The following TAFA5 variants were observed in gnomAD, a reference collection of about 807,000 sequenced individuals.
TAFA5 encodes chemokine-like protein TAFA-5.
Under a neutral mutation model 15.3 loss-of-function variants are expected in TAFA5, and 6 were observed. The observed-to-expected ratio is 0.39, with a 90% CI of 0.21 to 0.77. The LOEUF (loss-of-function observed/expected upper bound fraction) is 0.77. TAFA5 is among the 30% of genes least tolerant of loss of function. The pLI is 0.41. For synonymous variants in TAFA5, 103 were observed against 80.7 expected, an observed-to-expected ratio of 1.28 and a Z score of -1.48; for missense variants, 161 against 193.1, an observed-to-expected ratio of 0.83 and a Z score of 0.98.
At chr22:48,657,441 C>T (rs913811676) in intron 2 of TAFA5, among the ~76,000 whole-genome samples, 1 of 152,172 alleles carries the variant, frequency 6.6e-6, no homozygotes, top group Non-Finnish European at 1.5e-5. Flanking sequence ...GTGAATTGGT[C>T]CAAACGCTTA....
At chr22:48,660,137 CA>C (rs1445088037) in intron 2 of TAFA5, among the ~76,000 whole-genome samples, 1 of 151,998 alleles carries the variant, frequency 6.6e-6, no homozygotes, top group African/African-American at 2.4e-5. Context: ...GCTGTCCCCC[CA>C]AAAAAACCCC....
chr22:48,656,708 T>C (rs1927256866), intron 2 of TAFA5, among the ~76,000 whole-genome samples: 1 of 143,176 alleles, frequency 7.0e-6, no homozygotes, highest in African/African-American at 2.7e-5. Flanking sequence ...TTTTTTTTTT[T>C]TTTTTTGAGA....
chr22:48,623,605 C>T (rs1024878839), intron 1 of TAFA5, among the ~76,000 whole-genome samples: 9 of 152,222 alleles, frequency 5.9e-5, no homozygotes, highest in African/African-American at 1.7e-4. Context: ...GTGAACTTCC[C>T]GGGGCTCAGC....
chr22:48,707,925 C>T (rs143206096), intron 3 of TAFA5, 81 bp downstream of exon 3: 77 of 1,530,524 alleles, frequency 5.0e-5, no homozygotes, highest in African/African-American at 3.0e-4. Context: ...CCGGGCTCCG[C>T]GGGGACAGGT....
intron 2 of TAFA5, 60 bp from the exon 3 acceptor site, chr22:48,707,657 G>C: frequency 1.0e-5 from 16 of 1,580,960 alleles, no homozygotes; most frequent in Non-Finnish European, 1.4e-5. Flanking sequence ...GGTGCCCTCA[G>C]CAACACCCTC....
intron 1 of TAFA5, among the ~76,000 whole-genome samples, chr22:48,583,652 A>G (rs1349106087): frequency 2.8e-4 from 42 of 150,326 alleles, no homozygotes; most frequent in South Asian, 6.4e-4. Context: ...CACACAAAAT[A>G]CACCACACAC....
rs1192535620 is a variant in TAFA5, at chr22:48,652,994, C to T, written c.262+6248C>T. ...GGGTCCGTGCTTTGTGGCACAGAAG[C>T]TGTGGGTGCTGGTGTGGCCCTCTGC... On this transcript the variant is annotated intron_variant, in intron 2 of 3. Coordinates refer to ENST00000402357, the MANE Select transcript of TAFA5 (RefSeq NM_001082967.3). Among the ~76,000 whole-genome samples, 5 of 152,228 alleles carry T rather than the reference C, an allele frequency of 3.3e-5. No individual in the cohort carries two copies. The East Asian group carries it at 9.6e-4, about 29-fold the overall frequency.
At chr22:48,594,344 C>T (rs976819770) in intron 1 of TAFA5, among the ~76,000 whole-genome samples, 5 of 152,180 alleles carry the variant, frequency 3.3e-5, no homozygotes, top group South Asian at 2.1e-4. Flanking sequence ...CTGGGGTGCA[C>T]GCATGTAGGG....
At chr22:48,717,724 A>G (rs1436330042) in intron 3 of TAFA5, among the ~76,000 whole-genome samples, 1 of 152,210 alleles carries the variant, frequency 6.6e-6, no homozygotes, top group Non-Finnish European at 1.5e-5. Flanking sequence ...CAGAGCAGGC[A>G]TGGCCTCTGC....
At chr22:48,650,758 A>G (rs7284181) in intron 2 of TAFA5, among the ~76,000 whole-genome samples, 34,685 of 151,856 alleles carry the variant, frequency 0.23, 4,312 homozygotes, top group Non-Finnish European at 0.27. Flanking sequence ...CCAGCCACGC[A>G]CTGTGGCGCT....
At chr22:48,620,063 G>C (rs1441473957) in intron 1 of TAFA5, among the ~76,000 whole-genome samples, 2 of 152,198 alleles carry the variant, frequency 1.3e-5, no homozygotes, top group African/African-American at 4.8e-5. Context: ...CTGAGTCCAG[G>C]GTGGAGGATG....
intron 1 of TAFA5, among the ~76,000 whole-genome samples, chr22:48,541,316 C>T (rs1404273680): frequency 6.6e-6 from 1 of 152,148 alleles, no homozygotes; most frequent in Non-Finnish European, 1.5e-5. Context: ...GAGCCTGTCC[C>T]TGCTGGGGTG....
chr22:48,673,976 C>T (rs1399468101), intron 2 of TAFA5, among the ~76,000 whole-genome samples: 2 of 152,096 alleles, frequency 1.3e-5, no homozygotes, highest in Non-Finnish European at 2.9e-5. Flanking sequence ...TCTGCCCCAG[C>T]CCTTTGCCCA....
chr22:48,551,674 C>T (rs1314611458), intron 1 of TAFA5, among the ~76,000 whole-genome samples: 2 of 152,132 alleles, frequency 1.3e-5, no homozygotes, highest in African/African-American at 4.8e-5. Context: ...AGGGTTCTGG[C>T]ACCCACCCTT....
intron 2 of TAFA5, among the ~76,000 whole-genome samples, chr22:48,699,676 A>G (rs916589563): frequency 1.3e-5 from 2 of 152,222 alleles, no homozygotes; most frequent in African/African-American, 4.8e-5. Context: ...CGGGTTCCTG[A>G]TAACTTGCCT....
chr22:48,591,175 C>G (rs1924554659), intron 1 of TAFA5, among the ~76,000 whole-genome samples: 1 of 152,266 alleles, frequency 6.6e-6, no homozygotes. Context: ...TCTCTTTTCT[C>G]TGAAGTTGGT....
intron 1 of TAFA5, among the ~76,000 whole-genome samples, chr22:48,548,423 T>C (rs1205068393): frequency 2.6e-5 from 4 of 152,154 alleles, no homozygotes; most frequent in African/African-American, 7.2e-5. Flanking sequence ...TTTTTTGAGA[T>C]TGGGTGCCTG....
chr22:48,514,641 C>A (rs1038994796), intron 1 of TAFA5, among the ~76,000 whole-genome samples: 6 of 152,272 alleles, frequency 3.9e-5, no homozygotes, highest in Non-Finnish European at 7.4e-5. Flanking sequence ...GTCAGTCCCC[C>A]ACTCATGCCA....
In TAFA5 at chr22:48,542,523, A is replaced by G. The variant is rs532792289; in HGVS notation, c.112+52819A>G. On this transcript the variant is annotated intron_variant, in intron 1 of 3. Transcript: ENST00000402357. Reference sequence around the variant, plus strand: ...GTGCGTGTGTGGCATGTGTGTGTGCATGTGTGGTGTGTGGTGTGTGTGTGA... The same window carrying G: ...GTGCGTGTGTGGCATGTGTGTGTGCGTGTGTGGTGTGTGGTGTGTGTGTGA... 8.3e-4 allele frequency among the ~76,000 whole-genome samples: 55 copies of G among 66,256 alleles called. No individual in the cohort carries two copies. The South Asian group carries it at 0.028, about 34-fold the overall frequency. 43.5% of individuals were successfully genotyped at this position (66,256 alleles called of 152,430 possible). A position where few individuals can be genotyped will look rare whatever the true frequency, so the allele number is the denominator to read the frequency against.
Sources: gnomAD v4.1 joint callset for allele counts (sites outside exome capture counted in the v4.1 genomes callset) on GRCh38, gnomAD v4.1.1 for gene constraint, MANE v1.5 for transcripts, NCBI Gene and HGNC (gene_info 2026-07-23, HGNC 2026-07-21) for gene names.